Variants in POT1 observed in about 807,000 individuals in gnomAD.
The protein encoded by POT1 is protection of telomeres 1.
Under a neutral mutation model 78.5 loss-of-function variants are expected in POT1, and 47 were observed. That is an observed-to-expected ratio of 0.60 (90% CI 0.47 to 0.76). POT1 has a LOEUF of 0.76. Among genes scored for constraint, POT1 ranks in the 30% least tolerant of loss-of-function variants. POT1 has a pLI of 0.00. For synonymous variants in POT1, 259 were observed against 260.7 expected, an observed-to-expected ratio of 0.99 and a Z score of 0.06; for missense variants, 646 against 749.9, an observed-to-expected ratio of 0.86 and a Z score of 1.62.
chr7:124,920,425 C>G (rs1049069879), intron 2 of POT1, among the ~76,000 whole-genome samples: 1 of 151,990 alleles, frequency 6.6e-6, no homozygotes, highest in Non-Finnish European at 1.5e-5. Flanking sequence ...TTAGAGTTGG[C>G]AAAACAGCTA....
intron 6 of POT1, among the ~76,000 whole-genome samples, chr7:124,874,945 CA>C (rs376593739): frequency 2.7e-5 from 4 of 147,172 alleles, no homozygotes; most frequent in South Asian, 2.2e-4. Flanking sequence ...AACTTGGAAC[CA>C]AAAAAAAACC....
chr7:124,891,444 T>C (rs1211110094), intron 6 of POT1, among the ~76,000 whole-genome samples: 1 of 151,626 alleles, frequency 6.6e-6, no homozygotes, highest in Non-Finnish European at 1.5e-5. Context: ...CATATAGTTG[T>C]ATCTCGTTTT....
intron 17 of POT1, among the ~76,000 whole-genome samples, chr7:124,825,645 T>C (rs960798396): frequency 6.6e-6 from 1 of 152,124 alleles, no homozygotes; most frequent in African/African-American, 2.4e-5. Context: ...ATTCTCTTTG[T>C]GCATAGAAAA....
intron 3 of POT1, among the ~76,000 whole-genome samples, chr7:124,906,864 T>C (rs1396336436): frequency 6.6e-6 from 1 of 152,008 alleles, no homozygotes; most frequent in Non-Finnish European, 1.5e-5. Flanking sequence ...AACATTCAAG[T>C]ACACAGAGGA....
rs574120498 is a variant in POT1, at chr7:124,926,989, C to A, written c.-227+1826G>T. On this transcript the variant is annotated intron_variant, in intron 2 of 18. Coordinates refer to ENST00000357628, the MANE Select transcript of POT1 (RefSeq NM_015450.3). ...CTTGGTGGGTACAAGCTGCATTGCTCCAGTGACAGATGCACTGAAGGCCCT... is the reference window on the plus strand; with the variant it reads ...CTTGGTGGGTACAAGCTGCATTGCTACAGTGACAGATGCACTGAAGGCCCT... Among the ~76,000 whole-genome samples the A allele has an allele frequency of 8.9e-4, 136 of 152,220 alleles. 4 individuals are homozygous for A. The South Asian group carries it at 0.028, about 31-fold the overall frequency.
chr7:124,878,538 A>G (rs1796043927), intron 6 of POT1, among the ~76,000 whole-genome samples: 1 of 152,228 alleles, frequency 6.6e-6, no homozygotes, highest in Non-Finnish European at 1.5e-5. Context: ...TTAGCTTTAT[A>G]TAATCATTCC....
intron 12 of POT1, among the ~76,000 whole-genome samples, chr7:124,844,698 G>A (rs1300700788): frequency 7.9e-6 from 1 of 126,934 alleles, no homozygotes; most frequent in Non-Finnish European, 1.6e-5. Context: ...TAGTGCCACT[G>A]CACTCCAGCC....
intron 3 of POT1, among the ~76,000 whole-genome samples, chr7:124,905,628 T>A (rs1337016049): frequency 2.6e-5 from 4 of 151,898 alleles, no homozygotes; most frequent in Admixed American, 6.6e-5. Context: ...AAGCCAAAAT[T>A]GACAAACGGG....
intron 11 of POT1, among the ~76,000 whole-genome samples, chr7:124,849,818 T>C (rs538238695): frequency 1.1e-3 from 171 of 152,270 alleles, no homozygotes; most frequent in Non-Finnish European, 1.8e-3. Flanking sequence ...AGATCTATAA[T>C]ATATTGTTGA....
chr7:124,866,672 C>A (rs1363792720), intron 7 of POT1, among the ~76,000 whole-genome samples: 2 of 152,196 alleles, frequency 1.3e-5, no homozygotes, highest in Non-Finnish European at 2.9e-5. Flanking sequence ...CTTCAGCTTA[C>A]TGTGCAGTGG....
chr7:124,843,937 G>C (rs887444469), intron 12 of POT1, among the ~76,000 whole-genome samples: 1 of 152,108 alleles, frequency 6.6e-6, no homozygotes, highest in African/African-American at 2.4e-5. Flanking sequence ...GATATTTCAA[G>C]TAATTACACC....
At chr7:124,885,684 T>C (rs1334239254) in intron 6 of POT1, among the ~76,000 whole-genome samples, 6 of 152,068 alleles carry the variant, frequency 3.9e-5, no homozygotes, top group South Asian at 2.1e-4. Context: ...GAGAATGGCG[T>C]GAACCCAGGA....
intron 9 of POT1, chr7:124,853,528 G>T (rs1326504635): frequency 1.9e-5 from 3 of 153,888 alleles, no homozygotes; most frequent in African/African-American, 7.2e-5. Context: ...TTCTGAAAAT[G>T]CCTTGCTTTA....
intron 11 of POT1, among the ~76,000 whole-genome samples, chr7:124,851,193 C>T (rs909659783): frequency 4.6e-5 from 7 of 152,108 alleles, no homozygotes; most frequent in African/African-American, 1.7e-4. Flanking sequence ...CCTTGCTACT[C>T]AGGAGGCTGA....
intron 6 of POT1, among the ~76,000 whole-genome samples, chr7:124,873,671 T>C (rs1009306326): frequency 5.9e-5 from 9 of 152,126 alleles, no homozygotes; most frequent in African/African-American, 2.2e-4. Flanking sequence ...GAAGAATTGG[T>C]GTTAGTTCTC....
chr7:124,839,959 T>C (rs1794986954), intron 14 of POT1, among the ~76,000 whole-genome samples: 1 of 151,930 alleles, frequency 6.6e-6, no homozygotes, highest in Non-Finnish European at 1.5e-5. Flanking sequence ...GGGTTTACTC[T>C]CAGTGTTGTA....
intron 3 of POT1, chr7:124,900,934 G>T: frequency 4.3e-6 from 1 of 233,636 alleles, no homozygotes; most frequent in Non-Finnish European, 9.7e-6. Flanking sequence ...CTGTGAGGCT[G>T]CAGCGAGTCT....
At chr7:124,889,626 G>A (rs1796320879) in intron 6 of POT1, among the ~76,000 whole-genome samples, 1 of 152,022 alleles carries the variant, frequency 6.6e-6, no homozygotes, top group South Asian at 2.1e-4. Flanking sequence ...TCTTGTGAGA[G>A]TCTAATGCAG....
intron 13 of POT1, 81 bp downstream of exon 13, chr7:124,842,726 C>A: frequency 8.4e-7 from 1 of 1,193,412 alleles, no homozygotes. Context: ...TTACTTATTC[C>A]TAAGACACAA....
Sources: allele counts gnomAD v4.1 joint callset (sites outside exome capture counted in the v4.1 genomes callset), GRCh38; gene constraint gnomAD v4.1.1; transcripts MANE v1.5; gene names NCBI Gene and HGNC (gene_info 2026-07-23, HGNC 2026-07-21).